The following ARHGEF4 variants were observed in gnomAD, a reference collection of about 807,000 sequenced individuals.
ARHGEF4 encodes the protein APC-stimulated guanine nucleotide exchange factor 1.
A neutral mutation model predicts 162.0 loss-of-function variants in ARHGEF4; 119 were observed. That is an observed-to-expected ratio of 0.73 (90% CI 0.63 to 0.86). ARHGEF4 has a LOEUF of 0.86. ARHGEF4 is among the 40% of genes least tolerant of loss of function. The pLI is 0.00. For missense variants in ARHGEF4, 2,488 were observed against 2,456.0 expected, an observed-to-expected ratio of 1.01 and a Z score of -0.28; for synonymous variants, 1,014 against 979.9, an observed-to-expected ratio of 1.03 and a Z score of -0.65.
intron 1 of ARHGEF4, among the ~76,000 whole-genome samples, chr2:130,839,507 C>T (rs999531665): frequency 1.3e-5 from 2 of 152,168 alleles, no homozygotes; most frequent in South Asian, 4.1e-4. Flanking sequence ...CTGTACAGCA[C>T]ACAGATCTGC....
intron 4 of ARHGEF4, among the ~76,000 whole-genome samples, chr2:130,957,000 C>T (rs1056180020): frequency 2.0e-5 from 3 of 151,852 alleles, no homozygotes; most frequent in African/African-American, 7.3e-5. Context: ...TATATAAATA[C>T]ATAAAAAATA....
rs1398024676 is a variant in ARHGEF4, at chr2:130,916,414, G to T, written c.2468G>T (p.Arg823Leu). 4 of 1,532,048 alleles carry T rather than the reference G, an allele frequency of 2.6e-6. No homozygotes were observed. Among genetic ancestry groups the T allele is most frequent in the Admixed American group, 2.0e-5 (1 of 48,958 alleles). 94.9% of individuals were successfully genotyped at this position (1,532,048 alleles called of 1,614,324 possible). The change falls in exon 2 of 14, where the codon CGC (arginine) becomes CTC (leucine). Residue 823 changes from arginine (R) to leucine (L), a missense_variant. Arg to Leu is a moderately radical substitution (Grantham distance 102). Around this residue, in one of 6 missense-constraint regions of ARHGEF4, gnomAD observed 1,642 missense variants for 1,481.5 expected, o/e 1.11. Transcript: ENST00000409359. ...GVPAPTTEGRRWGSSGPEGLP... is the reference protein window; with the variant it reads ...GVPAPTTEGRLWGSSGPEGLP... ...CCGGCCCCGACCACCGAGGGTCGCC[G>T]CTGGGGCTCTTCAGGCCCCGAGGGG...
At chr2:130,984,836 T>G (rs1460029477) in intron 4 of ARHGEF4, among the ~76,000 whole-genome samples, 2 of 152,094 alleles carry the variant, frequency 1.3e-5, no homozygotes, top group Non-Finnish European at 2.9e-5. Context: ...GGTGCTTCCT[T>G]TCTCCATCGG....
intron 4 of ARHGEF4, among the ~76,000 whole-genome samples, chr2:130,967,716 G>T (rs1465620518): frequency 6.6e-6 from 1 of 152,194 alleles, no homozygotes; most frequent in Non-Finnish European, 1.5e-5. Context: ...ACAGCACAGG[G>T]AGACAGACAG....
chr2:130,927,253 C>G (rs753236447), intron 2 of ARHGEF4, among the ~76,000 whole-genome samples: 9 of 152,088 alleles, frequency 5.9e-5, no homozygotes, highest in Non-Finnish European at 1.2e-4. Context: ...GGCTCTCTAG[C>G]AGGCCTTCTC....
chr2:131,038,522 T>C (rs1168689652), intron 5 of ARHGEF4, among the ~76,000 whole-genome samples: 263 of 106,522 alleles, frequency 2.5e-3, no homozygotes, highest in South Asian at 5.7e-3. Context: ...AGCCTTGCAG[T>C]GCCCAGCCCC....
At chr2:130,965,229 CTTGTTG>C (rs1684924325) in intron 4 of ARHGEF4, among the ~76,000 whole-genome samples, 2 of 152,156 alleles carry the variant, frequency 1.3e-5, no homozygotes, top group African/African-American at 4.8e-5. Flanking sequence ...GAGCACAGGC[CTTGTTG>C]GGCAGATATA....
chr2:131,003,144 C>G (rs1687891623), intron 4 of ARHGEF4, among the ~76,000 whole-genome samples: 1 of 152,130 alleles, frequency 6.6e-6, no homozygotes, highest in African/African-American at 2.4e-5. Flanking sequence ...ATTCGCTGTT[C>G]TACCTCAGGC....
chr2:130,897,364 A>G (rs1293137955), intron 1 of ARHGEF4, among the ~76,000 whole-genome samples: 1 of 152,172 alleles, frequency 6.6e-6, no homozygotes, highest in Non-Finnish European at 1.5e-5. Context: ...GAATCCATGC[A>G]ACTGTGGCAG....
chr2:131,017,193 A>G (rs1383564779), intron 4 of ARHGEF4, among the ~76,000 whole-genome samples: 1 of 152,140 alleles, frequency 6.6e-6, no homozygotes, highest in Non-Finnish European at 1.5e-5. Flanking sequence ...TTTCCTATGA[A>G]TTAGCTGTGT....
intron 3 of ARHGEF4, among the ~76,000 whole-genome samples, chr2:130,933,292 A>G (rs1175029857): frequency 6.6e-6 from 1 of 151,954 alleles, no homozygotes; most frequent in African/African-American, 2.4e-5. Flanking sequence ...ATTAACTTAT[A>G]TGTCTGTCTT....
chr2:130,997,586 C>T (rs571324070), intron 4 of ARHGEF4, among the ~76,000 whole-genome samples: 27 of 152,262 alleles, frequency 1.8e-4, no homozygotes, highest in African/African-American at 5.8e-4. Context: ...GTGTGCGCCG[C>T]GGATTTTGGC....
At chr2:130,951,069 T>C (rs1403028466) in intron 4 of ARHGEF4, among the ~76,000 whole-genome samples, 1 of 152,226 alleles carries the variant, frequency 6.6e-6, no homozygotes. Context: ...CTTCATACAA[T>C]TGGAAAAAGT....
In ARHGEF4 at chr2:130,848,944, G is replaced by A. The variant is rs184166761; in HGVS notation, c.39+11952G>A. On this transcript the variant is annotated intron_variant, in intron 1 of 13. Transcript: ENST00000409359. ...GAGCTGCGCCTTGGAGAGGCTAAGC[G>A]GGCCCTGGGCACCTCGGATCCTCCA... is the stretch of plus-strand genomic sequence containing the variant. 2.6e-3 allele frequency among the ~76,000 whole-genome samples: 403 copies of A among 152,250 alleles called. 1 individual carries two copies. Among genetic ancestry groups the A allele is most frequent in the Non-Finnish European group, 4.2e-3 (286 of 67,998 alleles).
intron 4 of ARHGEF4, among the ~76,000 whole-genome samples, chr2:131,025,824 C>T (rs552840723): frequency 7.9e-5 from 12 of 152,304 alleles, no homozygotes; most frequent in African/African-American, 2.9e-4. Flanking sequence ...ATGGGACTCT[C>T]ACAGACGAGA....
At chr2:130,839,030 G>A (rs776770577) in intron 1 of ARHGEF4, among the ~76,000 whole-genome samples, 2 of 152,150 alleles carry the variant, frequency 1.3e-5, no homozygotes, top group African/African-American at 2.4e-5. Flanking sequence ...TAGGTCCTGA[G>A]ACACCTGAGG....
At chr2:130,925,254 A>C (rs1682171123) in intron 2 of ARHGEF4, among the ~76,000 whole-genome samples, 1 of 152,204 alleles carries the variant, frequency 6.6e-6, no homozygotes. Context: ...TACATAAAGT[A>C]ATCAAGACCA....
Position 131,036,417 on chromosome 2 carries a change from G to A in ARHGEF4, c.4126-2436G>A, listed in dbSNP as rs553701494. On this transcript the variant is annotated intron_variant, in intron 5 of 13. Coordinates refer to ENST00000409359, the MANE Select transcript of ARHGEF4 (RefSeq NM_001367493.1). ...GGCACGTGTCCCTCTGCCAGGGTGC[G>A]ACAAAGGCAATTAACACCTCCTCCC... 3.3e-5 allele frequency among the ~76,000 whole-genome samples: 5 copies of A among 152,324 alleles called. No homozygotes were observed. In the East Asian group the frequency reaches 5.8e-4, roughly 18 times the overall value.
chr2:130,878,186 A>G (rs939425584), intron 1 of ARHGEF4, among the ~76,000 whole-genome samples: 5 of 152,220 alleles, frequency 3.3e-5, no homozygotes, highest in Admixed American at 6.5e-5. Context: ...TCTGTCATAT[A>G]TTCTTTATCT....
Sources: gnomAD v4.1 joint callset for allele counts (sites outside exome capture counted in the v4.1 genomes callset) on GRCh38, gnomAD v4.1.1 for gene constraint, gnomAD v4.1.1 regional missense constraint, MANE v1.5 for transcripts, NCBI Gene and HGNC (gene_info 2026-07-23, HGNC 2026-07-21) for gene names.